The following SLC13A3 variants were observed in gnomAD, a reference collection of about 807,000 sequenced individuals.
SLC13A3 encodes the protein Na(+)/dicarboxylate cotransporter 3.
A neutral mutation model predicts 59.0 loss-of-function variants in SLC13A3; 40 were observed. That is an observed-to-expected ratio of 0.68 (90% CI 0.53 to 0.88). The LOEUF (loss-of-function observed/expected upper bound fraction) is 0.88. Among genes scored for constraint, SLC13A3 ranks in the 40% least tolerant of loss-of-function variants. The pLI, the probability that SLC13A3 is intolerant of heterozygous loss-of-function variation, is 0.00. For synonymous variants in SLC13A3, 317 were observed against 330.3 expected (o/e 0.96, Z 0.44); for missense variants, 699 against 783.2 (o/e 0.89, Z 1.28).
intron 1 of SLC13A3, among the ~76,000 whole-genome samples, chr20:46,621,714 T>A (rs1247844150): frequency 6.6e-6 from 1 of 152,208 alleles, no homozygotes; most frequent in Non-Finnish European, 1.5e-5. Flanking sequence ...AAGCAATCTC[T>A]GTGTGGAACT....
In SLC13A3 at chr20:46,667,073, G is replaced by A. The variant is rs77764696; in HGVS notation, c.-31+2970C>T. On this transcript the variant is annotated intron_variant, in intron 1 of 12. Coordinates refer to the SLC13A3 transcript ENST00000290317. ...TGCTGATGCTGTTCCTATAAACACC[G>A]AGGGCAAGTTATTTCCCAACGGACC... is the stretch of plus-strand genomic sequence containing the variant. Among the ~76,000 whole-genome samples, 1,121 of 151,992 alleles carry A rather than the reference G, an allele frequency of 7.4e-3. 15 individuals carry two copies. Among genetic ancestry groups the A allele is most frequent in the African/African-American group, 0.025 (1,049 of 41,434 alleles).
chr20:46,575,418 T>G (rs2062065242), intron 10 of SLC13A3, among the ~76,000 whole-genome samples, 155 bp downstream of exon 10: 1 of 152,234 alleles, frequency 6.6e-6, no homozygotes, highest in African/African-American at 2.4e-5. Flanking sequence ...AGGAATGAAC[T>G]ATGATCATCT....
upstream of SLC13A3, among the ~76,000 whole-genome samples, chr20:46,674,571 A>G (rs1199825414): frequency 6.8e-6 from 1 of 147,546 alleles, no homozygotes. Context: ...CAGGGGAGAC[A>G]GTGGGTAGGT....
intron 8 of SLC13A3, among the ~76,000 whole-genome samples, chr20:46,587,291 C>T (rs1438548127): frequency 1.3e-5 from 2 of 152,168 alleles, no homozygotes; most frequent in African/African-American, 4.8e-5. Flanking sequence ...TATCATTTTA[C>T]AGATTAGGAA....
chr20:46,624,131 C>T (rs1171458982), intron 1 of SLC13A3, among the ~76,000 whole-genome samples: 1 of 152,190 alleles, frequency 6.6e-6, no homozygotes, highest in East Asian at 1.9e-4. Flanking sequence ...ACAAGGCATG[C>T]TAATAATAAC....
rs372413032 is a variant in SLC13A3, at chr20:46,563,208, A to G, written c.1632+206T>C. 6.3e-4 allele frequency among the ~76,000 whole-genome samples: 96 copies of G among 152,302 alleles called. 1 individual carries two copies. Among genetic ancestry groups the G allele is most frequent in the Middle Eastern group, 3.4e-3 (1 of 294 alleles). ...CTGGAGCAAATTTTGGAAAGTAGTCACTAAGGCAGTGTTTCCTGAGATTGT... is the reference window on the plus strand; with the variant it reads ...CTGGAGCAAATTTTGGAAAGTAGTCGCTAAGGCAGTGTTTCCTGAGATTGT... On this transcript the variant is annotated intron_variant, in intron 12 of 12. Coordinates refer to ENST00000279027, the MANE Select transcript of SLC13A3 (RefSeq NM_022829.6).
intron 1 of SLC13A3, among the ~76,000 whole-genome samples, chr20:46,676,411 CTTTTTTTT>C (rs543970617): frequency 1.8e-5 from 2 of 108,484 alleles, no homozygotes; most frequent in African/African-American, 7.9e-5. Flanking sequence ...TCTCTCAACT[CTTTTTTTT>C]TTTTTTTTTT....
intron 1 of SLC13A3, among the ~76,000 whole-genome samples, chr20:46,679,236 G>A (rs2063141815): frequency 6.6e-6 from 1 of 152,152 alleles, no homozygotes; most frequent in Non-Finnish European, 1.5e-5. Context: ...AAAATATCTA[G>A]ACTAATTGGG....
chr20:46,664,912 G>C (rs556061282), intron 1 of SLC13A3, among the ~76,000 whole-genome samples: 1 of 152,316 alleles, frequency 6.6e-6, no homozygotes, highest in South Asian at 2.1e-4. Context: ...CTGGAGTGCA[G>C]AGACAAGGTC....
At chr20:46,669,653 C>A (rs2063080433) in intron 1 of SLC13A3, among the ~76,000 whole-genome samples, 1 of 152,132 alleles carries the variant, frequency 6.6e-6, no homozygotes, top group Admixed American at 6.5e-5. Context: ...GCACCCAAGG[C>A]AAATTAGAGA....
chr20:46,591,490 T>C (rs2062256340), intron 6 of SLC13A3, among the ~76,000 whole-genome samples: 1 of 152,222 alleles, frequency 6.6e-6, no homozygotes, highest in African/African-American at 2.4e-5. Flanking sequence ...GAAAACAAAG[T>C]GCCAGTATTA....
rs1170373015 is a variant in SLC13A3 at position 46,583,419 on chromosome 20, C to CA, written c.1219+152dup. 3.5e-6 allele frequency: 5 copies of CA among 1,430,592 alleles called. No homozygotes were observed. In the East Asian group the frequency reaches 1.3e-4, roughly 36 times the overall value. The allele number at this position is 1,430,592 out of a possible 1,614,324, so 88.6% of individuals were successfully genotyped here. On this transcript the variant is annotated intron_variant, in intron 9 of 12. Transcript: ENST00000279027. Reference sequence around the variant, plus strand: ...CTGGACTACCACCTGGGGCAGCCCTCAGTCCCCAGACAAGGCAATGGCTCA... The same window carrying CA: ...CTGGACTACCACCTGGGGCAGCCCTCAAGTCCCCAGACAAGGCAATGGCTCA...
rs767202110 is a variant in SLC13A3 at position 46,599,992 on chromosome 20, T to C, written c.587A>G (p.Gln196Arg). 3.2e-6 allele frequency: 5 copies of C among 1,578,762 alleles called. No homozygotes were observed. Among genetic ancestry groups the C allele is most frequent in the Admixed American group, 3.4e-5 (2 of 58,914 alleles). ...TTACGCTTCTGTGCTGGCGAGAAACTGCATCTCCGTGGGCACAGTGTGTAG... is the reference window on the plus strand; with the variant it reads ...TTACGCTTCTGTGCTGGCGAGAAACCGCATCTCCGTGGGCACAGTGTGTAG... The part of the protein sequence containing the change: ...NGLHTVPTEM[Q>R]FLASTEAKDH... The change falls in exon 4 of 13, where the codon CAG (glutamine) becomes CGG (arginine). Residue 196 changes from glutamine to arginine, a missense_variant. Physicochemically the swap from Gln to Arg is conservative, Grantham distance 43. Coordinates refer to ENST00000279027, the MANE Select transcript of SLC13A3 (RefSeq NM_022829.6).
chr20:46,637,917 G>A (rs1397520951), intron 1 of SLC13A3, among the ~76,000 whole-genome samples: 1 of 152,162 alleles, frequency 6.6e-6, no homozygotes, highest in East Asian at 1.9e-4. Context: ...AGGTGAGGCA[G>A]GCTCCTTCTC....
intron 5 of SLC13A3, 139 bp from the exon 6 acceptor site, chr20:46,592,668 C>T (rs6066033): frequency 0.011 from 9,015 of 853,232 alleles, 84 homozygotes; most frequent in Non-Finnish European, 0.014. Flanking sequence ...ACAGTGTTTT[C>T]CACCAATTCT....
At chr20:46,616,434 A>G (rs919172830) in intron 1 of SLC13A3, among the ~76,000 whole-genome samples, 5 of 152,134 alleles carry the variant, frequency 3.3e-5, no homozygotes, top group African/African-American at 1.2e-4. Flanking sequence ...AGATCATCAG[A>G]TCATCACCAA....
At chr20:46,649,168 C>A (rs183749913) in intron 1 of SLC13A3, among the ~76,000 whole-genome samples, 1 of 152,218 alleles carries the variant, frequency 6.6e-6, no homozygotes, top group African/African-American at 2.4e-5. Flanking sequence ...AAGAGCTAAG[C>A]ACTCAATAAA....
At chr20:46,682,075 T>A (rs1208248935) in intron 1 of SLC13A3, 1 of 152,138 alleles carries the variant, frequency 6.6e-6, no homozygotes, top group Non-Finnish European at 1.5e-5. Context: ...GGCTCCTCCA[T>A]CAGGGCTCTG....
chr20:46,580,104 T>C (rs1225248979), intron 9 of SLC13A3, among the ~76,000 whole-genome samples: 14 of 152,154 alleles, frequency 9.2e-5, no homozygotes, highest in East Asian at 1.9e-4. Flanking sequence ...TACAGGTATG[T>C]GCCACCACAC....
Sources: allele counts gnomAD v4.1 joint callset (sites outside exome capture counted in the v4.1 genomes callset), GRCh38; gene constraint gnomAD v4.1.1; transcripts MANE v1.5; gene names NCBI Gene and HGNC (gene_info 2026-07-23, HGNC 2026-07-21).